The following PLCD1 variants were observed in gnomAD, a reference collection of about 807,000 sequenced individuals.
PLCD1 encodes the protein phospholipase C delta 1.
Under a neutral mutation model 87.4 loss-of-function variants are expected in PLCD1, and 71 were observed. The observed-to-expected ratio is 0.81, with a 90% CI of 0.67 to 0.99. The LOEUF (loss-of-function observed/expected upper bound fraction) is 0.99, where lower values mean the gene tolerates loss of function less well. Among genes scored for constraint, PLCD1 ranks in the 50% least tolerant of loss-of-function variants. The pLI is 0.00. For synonymous variants in PLCD1, 348 were observed against 399.2 expected (o/e 0.87, Z 1.53); for missense variants, 867 against 1,001.5 (o/e 0.87, Z 1.81).
chr3:38,020,101 T>C, intron 2 of PLCD1, 87 bp downstream of exon 2: 1 of 1,248,648 alleles, frequency 8.0e-7, no homozygotes. Context: ...CCATCTGTGG[T>C]TTTGATCCAT....
At position 38,011,730 on chromosome 3, in the gene PLCD1, C is replaced by A. The variant is rs1053579181; in HGVS notation, c.429-57G>T. 9 of 1,592,868 alleles carry A rather than the reference C, an allele frequency of 5.7e-6. No individual in the cohort carries two copies. In the East Asian group the frequency reaches 2.0e-4, roughly 36 times the overall value. ...CCCTGGAACCTACCAAGGTCCCAGCCAGAGCCATGGATGGCTCCAGCTGAA... is the reference window on the plus strand; with the variant it reads ...CCCTGGAACCTACCAAGGTCCCAGCAAGAGCCATGGATGGCTCCAGCTGAA... On this transcript the variant is annotated intron_variant, in intron 3 of 14. Transcript: ENST00000334661.
chr3:38,016,943 A>G (rs1276675742), intron 2 of PLCD1, among the ~76,000 whole-genome samples: 1 of 152,170 alleles, frequency 6.6e-6, no homozygotes, highest in East Asian at 1.9e-4. Context: ...GAGACAGAGC[A>G]TGAGACACAG....
Position 38,008,473 on chromosome 3 carries a change from C to T in PLCD1, c.1887G>A (p.Lys629=). The T allele has an allele frequency of 6.2e-7, 1 of 1,614,234 alleles. No homozygotes were observed. Among genetic ancestry groups the T allele is most frequent in the East Asian group, 2.2e-5 (1 of 44,892 alleles). ...ALAQGPWWAR[K]RLNIRVISGQ... ...TCCAGCGTACCCTGATGTTGAGCCGCTTCCGTGCCCACCAGGGCCCCTGAG... is the reference window on the plus strand; with the variant it reads ...TCCAGCGTACCCTGATGTTGAGCCGTTTCCGTGCCCACCAGGGCCCCTGAG... Residue 629 remains lysine (K), a synonymous_variant, in exon 12 of 15, where the codon AAG becomes AAA. Transcript: ENST00000334661.
At chr3:38,009,227 T>G (rs111762793) in intron 10 of PLCD1, 45 bp downstream of exon 10, 2 of 1,613,468 alleles carry the variant, frequency 1.2e-6, no homozygotes, top group African/African-American at 1.3e-5. Context: ...CCCTGCCAAT[T>G]CTCTCTGTAA....
intron 1 of PLCD1, among the ~76,000 whole-genome samples, chr3:38,028,881 G>T (rs920462567): frequency 6.6e-6 from 1 of 152,256 alleles, no homozygotes; most frequent in Non-Finnish European, 1.5e-5. Context: ...AGGCAGCTCC[G>T]GCTGAGACCT....
At chr3:38,028,904 C>T (rs1229819072) in intron 1 of PLCD1, among the ~76,000 whole-genome samples, 1 of 152,260 alleles carries the variant, frequency 6.6e-6, no homozygotes, top group South Asian at 2.1e-4. Flanking sequence ...CCCTGTCCCC[C>T]GAGGAGGGTC....
At chr3:38,024,871 G>T in intron 1 of PLCD1, 1 of 485,208 alleles carries the variant, frequency 2.1e-6, no homozygotes, top group Non-Finnish European at 3.2e-6. Flanking sequence ...TGGAGATGGG[G>T]CGAGAGTGGT....
Position 38,007,850 on chromosome 3 carries a change from G to A in PLCD1, c.2194C>T (p.His732Tyr), listed in dbSNP as rs144784976. The stretch of plus-strand genomic sequence containing the variant: ...CCGTTCTTAGACATGAGGTGGACAT[G>A]GCGGTATCCTGGTGGGTGGACAGGC... The part of the protein sequence containing the change: ...PLNSLKQGYR[H>Y]VHLMSKNGDQ... Residue 732 changes from histidine (H) to tyrosine (Y), a missense_variant, in exon 15 of 15, where the codon CAT becomes TAT. By Grantham distance (83) the His-to-Tyr change is moderately conservative. Transcript: ENST00000334661. 6.2e-7 allele frequency: 1 copy of A among 1,613,984 alleles called. No individual in the cohort carries two copies. The highest frequency in any genetic ancestry group is 1.3e-5 in the African/African-American group (1 of 74,942).
rs746720554 is a variant in PLCD1, at chr3:38,009,340, G to A, written c.1538C>T (p.Pro513Leu). 2 of 1,614,054 alleles carry A rather than the reference G, an allele frequency of 1.2e-6. No homozygotes were observed. Among genetic ancestry groups the A allele is most frequent in the African/African-American group, 1.3e-5 (1 of 74,922 alleles). The change falls in exon 10 of 15, where the codon CCT becomes CTT. Residue 513 changes from proline (P) to leucine (L), a missense_variant. Pro to Leu is a moderately conservative substitution (Grantham distance 98). Coordinates refer to ENST00000334661, the MANE Select transcript of PLCD1 (RefSeq NM_006225.4). ...HFGGFSSPGT[P>L]GQAFYEMASF... ...CGCCATCTCGTAGAAGGCCTGTCCA[G>A]GGGTGCCAGGACTGGAGAAGCCCCC...
At chr3:38,024,619 A>T in intron 1 of PLCD1, 1 of 1,516,324 alleles carries the variant, frequency 6.6e-7, no homozygotes, top group Non-Finnish European at 8.8e-7. Flanking sequence ...CGCACTTCGG[A>T]GGGGCGGGAC....
Position 38,010,032 on chromosome 3 carries a change from G to C in PLCD1, c.1159C>G (p.Leu387Val). Residue 387 changes from leucine (L) to valine (V), a missense_variant, in exon 8 of 15, where the codon CTA (leucine) becomes GTA (valine). Transcript: ENST00000334661. ...AGTGTGCAGTGGTTCTCCAGGGATA[G>C]GATGACAGGGTAGGGGGACGCCTGG... ...AFKASPYPVI[L>V]SLENHCTLEQ... 1 of 1,614,216 alleles carries C rather than the reference G, an allele frequency of 6.2e-7. No homozygotes were observed. The highest frequency in any genetic ancestry group is 8.5e-7 in the Non-Finnish European group (1 of 1,180,026).
intron 1 of PLCD1, 85 bp from the exon 2 acceptor site, chr3:38,020,437 C>A: frequency 7.5e-7 from 1 of 1,329,842 alleles, no homozygotes; most frequent in Middle Eastern, 1.8e-4. Context: ...CCCACCTCGA[C>A]CCTCTCAGAG....
Position 38,010,129 on chromosome 3 carries a change from A to G in PLCD1, c.1137+2T>C, listed in dbSNP as rs1700046782. ...CTCCTCACCTGCCAGGGGCACTCCC[A>G]CCTTGAAGGCATAGTCCCGGATGGC... is the stretch of plus-strand genomic sequence containing the variant. On this transcript the variant is annotated splice_donor_variant, in intron 7 of 14. Transcript: ENST00000334661. LOFTEE classifies it high-confidence loss of function. 1 of 1,614,246 alleles carries G rather than the reference A, an allele frequency of 6.2e-7. No homozygotes were observed. The highest frequency in any genetic ancestry group is 8.5e-7 in the Non-Finnish European group (1 of 1,180,034).
At chr3:38,011,467 G>A (rs1343229683) in intron 4 of PLCD1, 22 bp from the exon 5 acceptor site, 3 of 1,613,602 alleles carry the variant, frequency 1.9e-6, no homozygotes, top group African/African-American at 1.3e-5. Flanking sequence ...GGACAGCCGA[G>A]TGGGCTCAGA....
In PLCD1 at chr3:38,007,996, C is replaced by CCTT. The variant is rs780548119; in HGVS notation, c.2185+15_2185+17dup. 1.9e-6 allele frequency: 3 copies of CCTT among 1,614,184 alleles called. No homozygotes were observed. The highest frequency in any genetic ancestry group is 2.5e-6 in the Non-Finnish European group (3 of 1,180,018). ...CTGCTTCCCACCACCTTGGCCATCCCCTTCTCTTGACACTCACCTTGCTTG... is the reference window on the plus strand; with the variant it reads ...CTGCTTCCCACCACCTTGGCCATCCCCTTCTTCTCTTGACACTCACCTTGCTTG... On this transcript the variant is annotated intron_variant, in intron 14 of 14. Transcript: ENST00000334661.
chr3:38,024,803 G>C, intron 1 of PLCD1: 1 of 1,198,070 alleles, frequency 8.3e-7, no homozygotes, highest in Non-Finnish European at 1.1e-6. Flanking sequence ...GGGCTAAGGA[G>C]GGCAGAGTCA....
Position 38,009,151 on chromosome 3 carries a change from G to C in PLCD1, c.1614C>G (p.Gly538=), listed in dbSNP as rs776024211. The C allele has an allele frequency of 5.1e-5, 83 of 1,614,022 alleles. No individual in the cohort carries two copies. Among genetic ancestry groups the C allele is most frequent in the Non-Finnish European group, 6.9e-5 (81 of 1,180,006 alleles). ...GGTGCCCCACGTTGTGGCGGACAAA[G>C]CCGTTTCCTGAGGGGAGGTGTGGTT... ...ALRLLQESGN[G]FVRHNVGHLS... The change falls in exon 11 of 15, where the codon GGC becomes GGG. Residue 538 remains glycine (G), a synonymous_variant. Coordinates refer to ENST00000334661, the MANE Select transcript of PLCD1 (RefSeq NM_006225.4).
chr3:38,019,929 G>A (rs1276781015), intron 2 of PLCD1, among the ~76,000 whole-genome samples: 2 of 152,126 alleles, frequency 1.3e-5, no homozygotes, highest in Non-Finnish European at 2.9e-5. Flanking sequence ...TCCATCTGCG[G>A]TCCTCGTTCC....
intron 5 of PLCD1, among the ~76,000 whole-genome samples, chr3:38,010,792 T>C (rs1476453094): frequency 6.6e-6 from 1 of 152,134 alleles, no homozygotes; most frequent in Non-Finnish European, 1.5e-5. Flanking sequence ...CTAAGACCCC[T>C]GAGGACAGGG....
Sources: gnomAD v4.1 joint callset for allele counts (sites outside exome capture counted in the v4.1 genomes callset) on GRCh38, gnomAD v4.1.1 for gene constraint, MANE v1.5 for transcripts, NCBI Gene and HGNC (gene_info 2026-07-23, HGNC 2026-07-21) for gene names.